The following KMT2A variants were observed in gnomAD, a reference collection of about 807,000 sequenced individuals.
KMT2A encodes the protein histone-lysine N-methyltransferase 2A.
In KMT2A, 16 loss-of-function variants were observed where a neutral mutation model predicts 345.3. The ratio of observed to expected loss-of-function variants is 0.05; its 90% CI spans 0.03 to 0.07. KMT2A has a LOEUF of 0.07. Ranked by LOEUF, KMT2A falls within the 10% of genes least tolerant of loss-of-function variation. The pLI is 1.00. For synonymous variants in KMT2A, 1,599 were observed against 1,778.6 expected (o/e 0.90, Z 2.54); for missense variants, 3,272 against 4,841.6 (o/e 0.68, Z 9.62).
Position 118,494,882 on chromosome 11 carries a change from A to G in KMT2A, c.5363+115A>G. ...TTTAATACTAGAAATGAATTGGTTG[A>G]AATGCCTTTTCGGTGTGGTTTTGAG... On this transcript the variant is annotated intron_variant, in intron 18 of 35. Transcript: ENST00000534358. This position sits in a 1 kb window ranked among gnomAD's most constrained non-coding sequence, Gnocchi z 5.8. 4 of 789,632 alleles carry G rather than the reference A, an allele frequency of 5.1e-6. No individual in the cohort carries two copies. The highest frequency in any genetic ancestry group is 1.6e-5 in the South Asian group (1 of 61,944). 48.9% of individuals were successfully genotyped at this position (789,632 alleles called of 1,614,324 possible).
At chr11:118,506,981 C>T (rs1384039526) in intron 27 of KMT2A, among the ~76,000 whole-genome samples, 1 of 152,064 alleles carries the variant, frequency 6.6e-6, no homozygotes, top group Admixed American at 6.6e-5. Flanking sequence ...CTTGTAGATC[C>T]ACAGAGTCCT....
At position 118,505,065 on chromosome 11, in the gene KMT2A, G is replaced by C; in HGVS notation, c.9173G>C (p.Gly3058Ala). ...GTGCCCAATTCTACTGATAGTCCTG[G>C]CCCGTCTCAGATTTCCAATGCAGCT... Reference protein sequence around the residue: ...KYVPNSTDSPGPSQISNAAVQ... With the variant: ...KYVPNSTDSPAPSQISNAAVQ... The change falls in exon 27 of 36, where the codon GGC becomes GCC. Residue 3058 changes from glycine to alanine, a missense_variant. By Grantham distance (60) the Gly-to-Ala change is moderately conservative (BLOSUM62 0). Around this residue, in one of 27 missense-constraint regions of KMT2A, gnomAD observed 748 missense variants for 922.2 expected, o/e 0.81. Coordinates refer to ENST00000534358, the MANE Select transcript of KMT2A (RefSeq NM_001197104.2). This position sits in a 1 kb window ranked among gnomAD's most constrained non-coding sequence, Gnocchi z 4.6. 2.5e-6 allele frequency: 4 copies of C among 1,613,974 alleles called. No individual in the cohort carries two copies. The highest frequency in any genetic ancestry group is 3.4e-6 in the Non-Finnish European group (4 of 1,179,992).
rs1555044498 is a variant in KMT2A, at chr11:118,497,993, T to C, written c.5722T>C (p.Leu1908=). The change falls in exon 21 of 36, where the codon TTG becomes CTG. Residue 1908 remains leucine (L), a synonymous_variant. Coordinates refer to ENST00000534358, the MANE Select transcript of KMT2A (RefSeq NM_001197104.2). This position sits in a 1 kb window ranked among gnomAD's most constrained non-coding sequence, Gnocchi z 4.8. ...QNEWTHVNCA[L]WSAEVFEDDD... is the part of the protein sequence containing the mutation. ...TGAGTGGACACATGTAAATTGTGCT[T>C]TGTGGTCAGCGGAAGTGTTTGAAGA... The C allele has an allele frequency of 1.2e-6, 2 of 1,613,868 alleles. No homozygotes were observed. The highest frequency in any genetic ancestry group is 2.7e-5 in the African/African-American group (2 of 74,914).
chr11:118,439,300 G>T (rs1208324353), intron 1 of KMT2A, among the ~76,000 whole-genome samples: 1 of 152,188 alleles, frequency 6.6e-6, no homozygotes, highest in Non-Finnish European at 1.5e-5. Flanking sequence ...ATTAGGAGAA[G>T]TTAGTCCATT....
intron 10 of KMT2A, among the ~76,000 whole-genome samples, chr11:118,487,625 A>C (rs1368148318): frequency 2.6e-5 from 4 of 152,228 alleles, no homozygotes; most frequent in Admixed American, 2.0e-4. Context: ...ATTTGAGAAC[A>C]AGTTGCAGAC....
Position 118,523,088 on chromosome 11 carries a change from A to G in KMT2A, c.*916A>G, listed in dbSNP as rs572292854. 4.5e-6 allele frequency: 1 copy of G among 221,596 alleles called. No individual in the cohort carries two copies. Among genetic ancestry groups the G allele is most frequent in the Admixed American group, 5.8e-5 (1 of 17,384 alleles). The allele number at this position is 221,596 out of a possible 1,614,324, so 13.7% of individuals were successfully genotyped here. A position where few individuals can be genotyped will look rare whatever the true frequency, so the allele number is the denominator to read the frequency against. On this transcript the variant is annotated 3_prime_UTR_variant, in exon 36 of 36. Transcript: ENST00000534358. Reference sequence around the variant, plus strand: ...TCATAACCAGACAGAATTTGGAAACATTTTCATAAAGCTCCATGGAGAGTT... The same window carrying G: ...TCATAACCAGACAGAATTTGGAAACGTTTTCATAAAGCTCCATGGAGAGTT...
At chr11:118,449,255 T>G (rs1377317746) in intron 1 of KMT2A, 1 of 151,826 alleles carries the variant, frequency 6.6e-6, no homozygotes, top group Non-Finnish European at 1.5e-5. Flanking sequence ...TAAAAAATAA[T>G]AAGTCAAAAT....
intron 1 of KMT2A, among the ~76,000 whole-genome samples, chr11:118,464,366 T>G (rs1949802151): frequency 6.6e-6 from 1 of 151,996 alleles, no homozygotes; most frequent in Non-Finnish European, 1.5e-5. Flanking sequence ...CGAAACCCCA[T>G]CTCCACTAAA....
Position 118,502,908 on chromosome 11 carries a change from A to C in KMT2A, c.7016A>C (p.His2339Pro). ...ATTCCTAAACTGGCCCCACAGGTTC[A>C]TAACACAACATCTAGAGAACTGAAT... ...PGIPKLAPQV[H>P]NTTSRELNVS... is the part of the protein sequence containing the mutation. The change falls in exon 27 of 36, where the codon CAT becomes CCT. Residue 2339 changes from histidine (H) to proline (P), a missense_variant. Around this residue, in one of 27 missense-constraint regions of KMT2A, gnomAD observed 445 missense variants for 500.9 expected, o/e 0.89. Coordinates refer to ENST00000534358, the MANE Select transcript of KMT2A (RefSeq NM_001197104.2). This position sits in a 1 kb window ranked among gnomAD's most constrained non-coding sequence, Gnocchi z 4.9. 1.2e-6 allele frequency: 2 copies of C among 1,614,210 alleles called. No homozygotes were observed. Among genetic ancestry groups the C allele is most frequent in the Non-Finnish European group, 1.7e-6 (2 of 1,180,034 alleles).
chr11:118,482,896 G>A (rs1173580226), intron 8 of KMT2A, among the ~76,000 whole-genome samples: 2 of 152,106 alleles, frequency 1.3e-5, no homozygotes, highest in African/African-American at 4.8e-5. Flanking sequence ...TTGTACCACT[G>A]CAGTCCAGCC....
At position 118,490,205 on chromosome 11, in the gene KMT2A, A is replaced by G. The variant is rs1356402762; in HGVS notation, c.4652A>G (p.His1551Arg). ...PGKGWDAQWS[H>R]DFSLCHDCAK... ...AAAGGGTGGGATGCACAGTGGTCTC[A>G]TGATTTCTCACTGTGTCATGATTGC... The change falls in exon 13 of 36, where the codon CAT becomes CGT. Residue 1551 changes from histidine to arginine, a missense_variant. Transcript: ENST00000534358. The surrounding 1 kb of genome is among the most constrained non-coding windows in gnomAD (Gnocchi z 4.2). 1 of 1,583,444 alleles carries G rather than the reference A, an allele frequency of 6.3e-7. No homozygotes were observed. Among genetic ancestry groups the G allele is most frequent in the Non-Finnish European group, 8.5e-7 (1 of 1,172,170 alleles).
chr11:118,470,103 G>C (rs1169567262), intron 2 of KMT2A, among the ~76,000 whole-genome samples: 1 of 152,184 alleles, frequency 6.6e-6, no homozygotes, highest in Non-Finnish European at 1.5e-5. Flanking sequence ...GATATGTTGT[G>C]GATCAGGGAA....
intron 15 of KMT2A, 115 bp downstream of exon 15, chr11:118,492,043 A>G (rs1950332082): frequency 5.4e-6 from 4 of 734,450 alleles, no homozygotes; most frequent in African/African-American, 5.3e-5. Flanking sequence ...TGTTTTGGCT[A>G]TAACCATTAG....
At chr11:118,456,257 T>C (rs1949640495) in intron 1 of KMT2A, among the ~76,000 whole-genome samples, 1 of 152,094 alleles carries the variant, frequency 6.6e-6, no homozygotes, top group African/African-American at 2.4e-5. Context: ...CCCAGCACTT[T>C]GGGAGGATTG....
At chr11:118,445,913 A>T (rs1949409998) in intron 1 of KMT2A, among the ~76,000 whole-genome samples, 1 of 152,124 alleles carries the variant, frequency 6.6e-6, no homozygotes, top group Non-Finnish European at 1.5e-5. Context: ...CTGAGGCAGG[A>T]GAATCGCCTG....
chr11:118,477,464 G>T (rs1555037852), intron 4 of KMT2A, among the ~76,000 whole-genome samples: 1 of 141,602 alleles, frequency 7.1e-6, no homozygotes, highest in Non-Finnish European at 1.5e-5. Context: ...TTCAGTATTT[G>T]GAATTTTGCT....
intron 3 of KMT2A, among the ~76,000 whole-genome samples, chr11:118,474,603 G>A (rs1371108492): frequency 6.6e-6 from 1 of 152,192 alleles, no homozygotes; most frequent in Non-Finnish European, 1.5e-5. Flanking sequence ...GAAAACTGGT[G>A]AACTAAGGCT....
intron 31 of KMT2A, among the ~76,000 whole-genome samples, chr11:118,517,871 C>T (rs1459848071): frequency 2.0e-5 from 3 of 152,036 alleles, no homozygotes; most frequent in African/African-American, 4.8e-5. Flanking sequence ...CTAGAGACAA[C>T]ATTCTTTTTG....
rs1555034759 is a variant in KMT2A, at chr11:118,468,760, T to C, written c.433-15T>C. 12 of 1,607,334 alleles carry C rather than the reference T, an allele frequency of 7.5e-6. No homozygotes were observed. Among genetic ancestry groups the C allele is most frequent in the South Asian group, 1.1e-5 (1 of 90,922 alleles). On this transcript the variant is annotated splice_polypyrimidine_tract_variant and intron_variant, in intron 1 of 35. Coordinates refer to ENST00000534358, the MANE Select transcript of KMT2A (RefSeq NM_001197104.2). ...TTTTTGCTTCTGATTTTAAAATAAT[T>C]TTCCTTTGTTGTAGGATGAGCAATT... is the stretch of plus-strand genomic sequence containing the variant.
Sources: allele counts gnomAD v4.1 joint callset (sites outside exome capture counted in the v4.1 genomes callset), GRCh38; gene constraint gnomAD v4.1.1; regional missense constraint gnomAD v4.1.1; non-coding constraint Gnocchi (gnomAD v3.1); transcripts MANE v1.5; gene names NCBI Gene and HGNC (gene_info 2026-07-23, HGNC 2026-07-21).